The following DIP2B variants were observed in gnomAD, a reference collection of about 807,000 sequenced individuals.
DIP2B encodes the protein disco-interacting protein 2 homolog B.
A neutral mutation model predicts 198.0 loss-of-function variants in DIP2B; 76 were observed. The observed-to-expected ratio is 0.38, with a 90% confidence interval of 0.32 to 0.46. The LOEUF is 0.46. Among genes scored for constraint, DIP2B ranks in the 20% least tolerant of loss-of-function variants. The pLI is 0.99. For missense variants in DIP2B, 1,559 were observed against 1,978.4 expected (o/e 0.79, Z 4.02); for synonymous variants, 701 against 739.1 (o/e 0.95, Z 0.84).
Position 50,728,544 on chromosome 12 carries a change from C to T in DIP2B, c.3511-4C>T, listed in dbSNP as rs774002754. The T allele has an allele frequency of 4.5e-5, 72 of 1,613,026 alleles. No homozygotes were observed. In the Admixed American group the frequency reaches 1.2e-3, roughly 26 times the overall value. ...CAGCCTGTTCCATTTTCCATACTTTCCAGATGTCCCACTCTGCAGTGAACG... is the reference window on the plus strand; with the variant it reads ...CAGCCTGTTCCATTTTCCATACTTTTCAGATGTCCCACTCTGCAGTGAACG... On this transcript the variant is annotated splice_region_variant and splice_polypyrimidine_tract_variant and intron_variant, in intron 29 of 37. Coordinates refer to ENST00000301180, the MANE Select transcript of DIP2B (RefSeq NM_173602.3).
chr12:50,673,080 G>T (rs367944198), intron 5 of DIP2B, among the ~76,000 whole-genome samples: 1 of 151,978 alleles, frequency 6.6e-6, no homozygotes, highest in Non-Finnish European at 1.5e-5. Flanking sequence ...TTTCCTTAGC[G>T]TATATTCCTA....
intron 14 of DIP2B, among the ~76,000 whole-genome samples, chr12:50,694,984 T>C (rs2139553325): frequency 6.6e-6 from 1 of 152,202 alleles, no homozygotes; most frequent in South Asian, 2.1e-4. Flanking sequence ...ACTTATATAT[T>C]TCTATGGGAA....
At chr12:50,690,247 C>T (rs1315189972) in intron 12 of DIP2B, among the ~76,000 whole-genome samples, 6 of 152,230 alleles carry the variant, frequency 3.9e-5, no homozygotes, top group Admixed American at 2.6e-4. Flanking sequence ...CCACTACGCC[C>T]GGCTAATTTT....
At chr12:50,607,790 ATTTG>A (rs771238561) in intron 1 of DIP2B, among the ~76,000 whole-genome samples, 2 of 151,986 alleles carry the variant, frequency 1.3e-5, no homozygotes, top group South Asian at 2.1e-4. Context: ...TGGGTTTTTT[ATTTG>A]TTTGTTTGTT....
chr12:50,584,028 C>T (rs896644812), intron 1 of DIP2B, among the ~76,000 whole-genome samples: 1 of 152,212 alleles, frequency 6.6e-6, no homozygotes, highest in African/African-American at 2.4e-5. Context: ...ACTTCCATTG[C>T]CCAACCTCTG....
At chr12:50,657,028 A>G (rs1938565891) in intron 3 of DIP2B, 1 of 152,126 alleles carries the variant, frequency 6.6e-6, no homozygotes, top group South Asian at 2.1e-4. Flanking sequence ...GAAGATTAAC[A>G]TGGCCCCTGA....
chr12:50,553,618 A>G (rs1484558043), intron 1 of DIP2B, among the ~76,000 whole-genome samples: 1 of 152,126 alleles, frequency 6.6e-6, no homozygotes, highest in Non-Finnish European at 1.5e-5. Context: ...TAGTCTCCCT[A>G]AAAGAGGACT....
intron 1 of DIP2B, among the ~76,000 whole-genome samples, chr12:50,585,611 G>A (rs1370013944): frequency 1.3e-5 from 2 of 152,208 alleles, no homozygotes; most frequent in Admixed American, 1.3e-4. Flanking sequence ...AGTGGCATGA[G>A]GAAGAGCAGA....
chr12:50,582,597 T>C (rs1177967824), intron 1 of DIP2B, among the ~76,000 whole-genome samples: 1 of 152,194 alleles, frequency 6.6e-6, no homozygotes, highest in African/African-American at 2.4e-5. Context: ...TTACCCTTTT[T>C]AACGGAGATT....
rs530969096 is a variant in DIP2B at position 50,544,323 on chromosome 12, C to CT, written c.100+39087dup. On this transcript the variant is annotated intron_variant, in intron 1 of 37. Transcript: ENST00000301180. The stretch of plus-strand genomic sequence containing the variant: ...ATTTAAGTAAATTCCCTTCCAGTCA[C>CT]TTTTCTATTCAGATATTCCGTCACT... Among the ~76,000 whole-genome samples the CT allele has an allele frequency of 3.9e-5, 6 of 152,286 alleles. No individual in the cohort carries two copies. In the South Asian group the frequency reaches 1.2e-3, roughly 32 times the overall value.
At chr12:50,588,714 C>G (rs1449674200) in intron 1 of DIP2B, among the ~76,000 whole-genome samples, 1 of 152,038 alleles carries the variant, frequency 6.6e-6, no homozygotes, top group Admixed American at 6.5e-5. Context: ...TATTTACAGC[C>G]CCTACTGCCT....
intron 1 of DIP2B, among the ~76,000 whole-genome samples, chr12:50,614,212 A>G (rs977598215): frequency 6.6e-6 from 1 of 152,150 alleles, no homozygotes; most frequent in Non-Finnish European, 1.5e-5. Flanking sequence ...TGCCAAATCC[A>G]GTAGTTATTT....
chr12:50,595,923 G>A (rs753764399), intron 1 of DIP2B, among the ~76,000 whole-genome samples: 1 of 152,184 alleles, frequency 6.6e-6, no homozygotes, highest in African/African-American at 2.4e-5. Flanking sequence ...CCCTCAAGGA[G>A]TAGGATTTCT....
intron 3 of DIP2B, among the ~76,000 whole-genome samples, chr12:50,653,082 A>G (rs895448438): frequency 2.6e-5 from 4 of 151,856 alleles, no homozygotes; most frequent in Admixed American, 2.0e-4. Flanking sequence ...AGAGTTTGAG[A>G]AAGATTTACA....
chr12:50,678,187 T>C (rs1239816081), intron 7 of DIP2B, among the ~76,000 whole-genome samples: 2 of 151,524 alleles, frequency 1.3e-5, no homozygotes, highest in Non-Finnish European at 2.9e-5. Context: ...ACTGTTACTA[T>C]CCCCGTTTTA....
At chr12:50,580,849 A>G (rs1424144909) in intron 1 of DIP2B, among the ~76,000 whole-genome samples, 1 of 149,070 alleles carries the variant, frequency 6.7e-6, no homozygotes, top group Non-Finnish European at 1.5e-5. Context: ...AATGATGGAA[A>G]TATCCTACAG....
intron 18 of DIP2B, 81 bp downstream of exon 18, chr12:50,698,548 C>A: frequency 1.3e-6 from 2 of 1,507,044 alleles, no homozygotes; most frequent in Non-Finnish European, 1.8e-6. Context: ...TACAGAATCC[C>A]AAACGAGGAA....
chr12:50,690,066 T>C (rs1171467190), intron 12 of DIP2B, among the ~76,000 whole-genome samples: 1 of 152,072 alleles, frequency 6.6e-6, no homozygotes, highest in Non-Finnish European at 1.5e-5. Flanking sequence ...CCCTTCTCAT[T>C]ATTGACCTTG....
At chr12:50,641,085 T>C (rs1938249224) in intron 3 of DIP2B, among the ~76,000 whole-genome samples, 1 of 152,168 alleles carries the variant, frequency 6.6e-6, no homozygotes, top group Non-Finnish European at 1.5e-5. Context: ...GGCTGGGCGA[T>C]GTGGCTCACG....
Sources: allele counts gnomAD v4.1 joint callset (sites outside exome capture counted in the v4.1 genomes callset), GRCh38; gene constraint gnomAD v4.1.1; transcripts MANE v1.5; gene names NCBI Gene and HGNC (gene_info 2026-07-23, HGNC 2026-07-21).